The following KIF26B variants were observed in gnomAD, a reference collection of about 807,000 sequenced individuals.
KIF26B encodes kinesin-like protein KIF26B.
KIF26B carries 63 observed loss-of-function variants against 151.2 expected under a neutral mutation model. That is an observed-to-expected ratio of 0.42 (90% CI 0.34 to 0.51). The LOEUF is 0.51. Among genes scored for constraint, KIF26B ranks in the 20% least tolerant of loss-of-function variants. The pLI is 0.07. For missense variants in KIF26B, 2,813 were observed against 2,913.6 expected (o/e 0.97, Z 0.79); for synonymous variants, 1,357 against 1,262.1 (o/e 1.08, Z -1.59).
intron 3 of KIF26B, among the ~76,000 whole-genome samples, chr1:245,386,336 T>TAAAAAAAA (rs3038167): frequency 6.8e-6 from 1 of 147,724 alleles, no homozygotes; most frequent in South Asian, 2.1e-4. Flanking sequence ...GTAATTGATC[T>TAAAAAAAA]AAAAAAAAAA....
chr1:245,365,479 T>C, intron 2 of KIF26B, among the ~76,000 whole-genome samples: 1 of 149,064 alleles, frequency 6.7e-6, no homozygotes, highest in African/African-American at 2.5e-5. Flanking sequence ...ACCCCCCAAA[T>C]GCTGATCTTC....
chr1:245,546,920 T>C (rs540115358), intron 5 of KIF26B, among the ~76,000 whole-genome samples: 8 of 152,368 alleles, frequency 5.3e-5, no homozygotes, highest in Admixed American at 3.9e-4. Context: ...TCTTCCTTTA[T>C]TTCTTATTTT....
At position 245,610,791 on chromosome 1, in the gene KIF26B, C is replaced by T. The variant is rs533995678; in HGVS notation, c.1915-1002C>T. On this transcript the variant is annotated intron_variant, in intron 8 of 14. Coordinates refer to ENST00000407071, the MANE Select transcript of KIF26B (RefSeq NM_018012.4). ...AATTCTTTGGTTTATTTTTCCATAGCGAGACAAAATTTTGAACACAAAAGA... is the reference window on the plus strand; with the variant it reads ...AATTCTTTGGTTTATTTTTCCATAGTGAGACAAAATTTTGAACACAAAAGA... Among the ~76,000 whole-genome samples, 17 of 152,200 alleles carry T rather than the reference C, an allele frequency of 1.1e-4. No individual in the cohort carries two copies. In the Middle Eastern group the frequency reaches 0.01, roughly 91 times the overall value.
In KIF26B at chr1:245,601,700, C is replaced by G. The variant is rs1443715571; in HGVS notation, c.1351-877C>G. On this transcript the variant is annotated intron_variant, in intron 5 of 14. Transcript: ENST00000407071. This position sits in a 1 kb window ranked among gnomAD's most constrained non-coding sequence, Gnocchi z 4.4. ...AGTGCCCATCATTTGTTGGACTGAA[C>G]TCACAACACAGTAACAAAGAGCCAG... Among the ~76,000 whole-genome samples, 1 of 152,226 alleles carries G rather than the reference C, an allele frequency of 6.6e-6. No individual in the cohort carries two copies.
In KIF26B at chr1:245,683,294, C is replaced by T. The variant is rs548057965; in HGVS notation, c.2259-939C>T. Among the ~76,000 whole-genome samples the T allele has an allele frequency of 1.7e-4, 25 of 150,196 alleles. 2 individuals carry two copies. The highest frequency in any genetic ancestry group is 6.3e-4 in the South Asian group (3 of 4,788). On this transcript the variant is annotated intron_variant, in intron 10 of 14. Transcript: ENST00000407071. ...GACACAGCATGGAGATATGAGCACG[C>T]GGCATGGGAAATAGGCTTCCTCAGC...
intron 14 of KIF26B, among the ~76,000 whole-genome samples, chr1:245,701,850 G>C (rs1445085167): frequency 6.6e-6 from 1 of 152,134 alleles, no homozygotes. Flanking sequence ...CTGGACCCCT[G>C]GACCTGGGCC....
chr1:245,504,139 C>T (rs201780502), intron 4 of KIF26B, among the ~76,000 whole-genome samples: 1 of 152,114 alleles, frequency 6.6e-6, no homozygotes, highest in African/African-American at 2.4e-5. Context: ...AGTGCCACAG[C>T]GTGGGAAGAG....
chr1:245,656,797 G>A (rs553284742), intron 10 of KIF26B, among the ~76,000 whole-genome samples: 1 of 152,094 alleles, frequency 6.6e-6, no homozygotes, highest in African/African-American at 2.4e-5. Flanking sequence ...AGCATTAACA[G>A]ATTTTTTTTT....
rs1362369076 is a variant in KIF26B, at chr1:245,241,183, AT to A, written c.465+84503del. On this transcript the variant is annotated intron_variant, in intron 2 of 14. Transcript: ENST00000407071. This position sits in a 1 kb window ranked among gnomAD's most constrained non-coding sequence, Gnocchi z 5.0. The stretch of plus-strand genomic sequence containing the variant: ...AATTTCCTGAGTGCAGCTCTGAAGG[AT>A]TTAGAGGTGTCATTCCCAGAGATTA... Among the ~76,000 whole-genome samples the A allele has an allele frequency of 6.6e-6, 1 of 152,108 alleles. No homozygotes were observed. Among genetic ancestry groups the A allele is most frequent in the Non-Finnish European group, 1.5e-5 (1 of 68,020 alleles).
chr1:245,182,210 C>T (rs1170512481), intron 2 of KIF26B, among the ~76,000 whole-genome samples: 1 of 152,154 alleles, frequency 6.6e-6, no homozygotes, highest in African/African-American at 2.4e-5. Context: ...AAGGAAATGG[C>T]CCATTATCAG....
At chr1:245,679,903 C>T (rs2044409917) in intron 10 of KIF26B, among the ~76,000 whole-genome samples, 1 of 152,168 alleles carries the variant, frequency 6.6e-6, no homozygotes, top group South Asian at 2.1e-4. Flanking sequence ...CCAGTCCCTT[C>T]CTGTGCCTGC....
At chr1:245,233,823 C>CTT (rs1670047770) in intron 2 of KIF26B, among the ~76,000 whole-genome samples, 2 of 152,118 alleles carry the variant, frequency 1.3e-5, no homozygotes, top group Non-Finnish European at 2.9e-5. Context: ...TGCCCAGCTT[C>CTT]ATAAATACAT....
intron 5 of KIF26B, among the ~76,000 whole-genome samples, chr1:245,586,754 C>G (rs1007018315): frequency 6.6e-6 from 1 of 151,744 alleles, no homozygotes; most frequent in Non-Finnish European, 1.5e-5. Flanking sequence ...GGCGCGGTGG[C>G]GGGCGCCTGT....
At chr1:245,578,031 C>A (rs1028206367) in intron 5 of KIF26B, among the ~76,000 whole-genome samples, 5 of 151,892 alleles carry the variant, frequency 3.3e-5, no homozygotes, top group Non-Finnish European at 5.9e-5. Context: ...GCAATGCATC[C>A]CCTAACCGGA....
At chr1:245,487,943 C>T (rs929700065) in intron 4 of KIF26B, among the ~76,000 whole-genome samples, 1 of 152,108 alleles carries the variant, frequency 6.6e-6, no homozygotes, top group Non-Finnish European at 1.5e-5. Flanking sequence ...CGCCTGCCAC[C>T]ATGCCCAGCT....
intron 2 of KIF26B, among the ~76,000 whole-genome samples, chr1:245,259,955 A>T (rs1252200995): frequency 2.6e-5 from 4 of 151,476 alleles, no homozygotes; most frequent in African/African-American, 9.7e-5. Context: ...AAAAAAAAAA[A>T]AAGGTGAGCT....
At position 245,330,973 on chromosome 1, in the gene KIF26B, G is replaced by C. The variant is rs947855909; in HGVS notation, c.466-35861G>C. ...AGAGCCCACGTAGTAAGTAAGGAACGGGGGCGGTTAGAGATTCTGGAGAGG... is the reference window on the plus strand; with the variant it reads ...AGAGCCCACGTAGTAAGTAAGGAACCGGGGCGGTTAGAGATTCTGGAGAGG... On this transcript the variant is annotated intron_variant, in intron 2 of 14. Coordinates refer to ENST00000407071, the MANE Select transcript of KIF26B (RefSeq NM_018012.4). Among the ~76,000 whole-genome samples, 3 of 151,982 alleles carry C rather than the reference G, an allele frequency of 2.0e-5. 1 individual carries two copies. In the South Asian group the frequency reaches 6.2e-4, roughly 31 times the overall value.
intron 4 of KIF26B, among the ~76,000 whole-genome samples, chr1:245,426,628 T>C (rs1204742329): frequency 6.6e-6 from 1 of 152,288 alleles, no homozygotes; most frequent in East Asian, 1.9e-4. Context: ...TTGACCAGTA[T>C]CCCCTTGGGT....
intron 2 of KIF26B, among the ~76,000 whole-genome samples, chr1:245,212,598 A>G (rs7526449): frequency 0.97 from 147,422 of 152,308 alleles, 71,515 homozygotes; most frequent in East Asian, 1. Context: ...TACCATCGAG[A>G]GCAGCAGCTC....
Sources: allele counts gnomAD v4.1 joint callset (sites outside exome capture counted in the v4.1 genomes callset), GRCh38; gene constraint gnomAD v4.1.1; non-coding constraint Gnocchi (gnomAD v3.1); transcripts MANE v1.5; gene names NCBI Gene and HGNC (gene_info 2026-07-23, HGNC 2026-07-21).